Variants in FRMPD4 observed in about 807,000 individuals in gnomAD.
FRMPD4 encodes the protein FERM and PDZ domain-containing protein 4.
Under a neutral mutation model 94.1 loss-of-function variants are expected in FRMPD4, and 22 were observed. The observed-to-expected ratio is 0.23, with a 90% CI of 0.17 to 0.33. The LOEUF is 0.33. Ranked by LOEUF, FRMPD4 falls within the 10% of genes least tolerant of loss-of-function variation. The pLI is 1.00. For synonymous variants in FRMPD4, 631 were observed against 548.6 expected (o/e 1.15, Z -2.10); for missense variants, 1,111 against 1,339.9 (o/e 0.83, Z 2.67).
chrX:12,104,961 C>T (rs779566256), intron 3 of FRMPD4, among the ~76,000 whole-genome samples: 11 of 111,493 alleles, frequency 9.9e-5, no homozygotes, highest in Non-Finnish European at 1.9e-4. Context: ...TTGTTTCAAA[C>T]GGTGGCCTTC....
intron 1 of FRMPD4, among the ~76,000 whole-genome samples, chrX:12,276,578 T>C (rs1474161030): frequency 8.9e-6 from 1 of 112,082 alleles, no homozygotes; most frequent in Non-Finnish European, 1.9e-5. Context: ...AGCCTCCAGG[T>C]ATCCTGCTTC....
chrX:12,023,657 ACT>A (rs1186492036), intron 3 of FRMPD4, among the ~76,000 whole-genome samples: 1 of 111,189 alleles, frequency 9.0e-6, no homozygotes, highest in Admixed American at 9.5e-5. Flanking sequence ...TGGTTGGATG[ACT>A]CTTTGCCAGT....
At chrX:12,557,652 A>C (rs1445929040) in intron 2 of FRMPD4, among the ~76,000 whole-genome samples, 1 of 111,998 alleles carries the variant, frequency 8.9e-6, no homozygotes, top group Non-Finnish European at 1.9e-5. Flanking sequence ...CAAAGTTTAA[A>C]ATCAACTGAA....
chrX:12,094,274 A>ATTAATT (rs2055179968), intron 3 of FRMPD4, among the ~76,000 whole-genome samples: 1 of 112,409 alleles, frequency 8.9e-6, no homozygotes, highest in Non-Finnish European at 1.9e-5. Context: ...CAGTTTATTG[A>ATTAATT]CATTAATTAA....
intron 1 of FRMPD4, among the ~76,000 whole-genome samples, chrX:12,267,429 A>G (rs1337635902): frequency 8.9e-6 from 1 of 112,142 alleles, no homozygotes; most frequent in Non-Finnish European, 1.9e-5. Flanking sequence ...TCTAAGACAG[A>G]TGGGATGCTT....
In FRMPD4 at chrX:12,317,601, AAACAAAAAAAAC is replaced by A. The variant is rs1187328683; in HGVS notation, c.41+178592_41+178603del. Among the ~76,000 whole-genome samples the A allele has an allele frequency of 6.0e-3, 627 of 104,992 alleles. 8 individuals are homozygous for A. The highest frequency in any genetic ancestry group is 0.023 in the African/African-American group (596 of 26,425). The allele number at this position is 104,992 out of a possible 115,157, so 91.2% of individuals were successfully genotyped here. On this transcript the variant is annotated intron_variant, in intron 1 of 16. Coordinates refer to ENST00000675598, the MANE Select transcript of FRMPD4 (RefSeq NM_001368397.1). ...ACTAAATAGCAAAAAAAAAAAAAAA[AAACAAAAAAAAC>A]AAAAACCCAAGTAATCTGATTAAAA...
chrX:12,271,108 G>A (rs2054349140), intron 1 of FRMPD4, among the ~76,000 whole-genome samples: 1 of 111,751 alleles, frequency 8.9e-6, no homozygotes, highest in African/African-American at 3.3e-5. Context: ...ATATACACTA[G>A]GTAATTCCCG....
intron 1 of FRMPD4, among the ~76,000 whole-genome samples, chrX:12,166,912 T>G (rs1301167766): frequency 9.0e-6 from 1 of 111,520 alleles, no homozygotes; most frequent in African/African-American, 3.3e-5. Flanking sequence ...CTTTATCATT[T>G]TTTATTGCGT....
chrX:12,285,957 A>G (rs989793798), intron 1 of FRMPD4, among the ~76,000 whole-genome samples: 3 of 112,089 alleles, frequency 2.7e-5, no homozygotes, highest in Non-Finnish European at 5.6e-5. Flanking sequence ...TGGTGTAAAT[A>G]GATAAGCACA....
chrX:12,499,253 T>C (rs1325282424), intron 2 of FRMPD4, among the ~76,000 whole-genome samples: 1 of 112,240 alleles, frequency 8.9e-6, no homozygotes, highest in Non-Finnish European at 1.9e-5. Context: ...ATTATGTACA[T>C]TATTTGTTTT....
At chrX:12,017,795 A>T (rs1237126033) in intron 3 of FRMPD4, among the ~76,000 whole-genome samples, 1 of 111,851 alleles carries the variant, frequency 8.9e-6, no homozygotes, top group East Asian at 2.8e-4. Flanking sequence ...GTATACATTC[A>T]CAGCACCTTG....
At chrX:12,561,756 GTT>G (rs1840052630) in intron 2 of FRMPD4, among the ~76,000 whole-genome samples, 2 of 112,241 alleles carry the variant, frequency 1.8e-5, no homozygotes, top group African/African-American at 6.5e-5. Flanking sequence ...TTATGGCATA[GTT>G]TTATTAGTTA....
chrX:12,174,983 C>T (rs1158415859), intron 1 of FRMPD4, among the ~76,000 whole-genome samples: 1 of 112,342 alleles, frequency 8.9e-6, no homozygotes, highest in Non-Finnish European at 1.9e-5. Flanking sequence ...GGCACAGTTA[C>T]ACGACCTTGC....
intron 3 of FRMPD4, among the ~76,000 whole-genome samples, chrX:11,882,891 T>C (rs1428910000): frequency 2.7e-5 from 3 of 111,226 alleles, no homozygotes; most frequent in African/African-American, 3.3e-5. Flanking sequence ...TGGGAAGAGG[T>C]ATAGGGTTTG....
At chrX:12,079,510 T>G (rs1003072020) in intron 3 of FRMPD4, among the ~76,000 whole-genome samples, 9 of 112,086 alleles carry the variant, frequency 8.0e-5, no homozygotes, top group African/African-American at 2.9e-4. Flanking sequence ...TTTAAGACTT[T>G]ATTTTTTAGC....
chrX:12,365,070 C>G (rs1196445187), intron 1 of FRMPD4, among the ~76,000 whole-genome samples: 1 of 112,370 alleles, frequency 8.9e-6, no homozygotes, highest in African/African-American at 3.2e-5. Context: ...CATTTGAGAA[C>G]ACATCTGGGG....
intron 4 of FRMPD4, among the ~76,000 whole-genome samples, chrX:12,640,605 T>A (rs1234619026): frequency 8.9e-6 from 1 of 111,921 alleles, no homozygotes; most frequent in Non-Finnish European, 1.9e-5. Context: ...TTTCCAGTCA[T>A]TCTTTTAATA....
rs373048399 is a variant in FRMPD4 at position 12,696,049 on chromosome X, C to G, written c.933+1595C>G. 3.6e-5 allele frequency among the ~76,000 whole-genome samples: 4 copies of G among 112,650 alleles called. No individual in the cohort carries two copies. The East Asian group carries it at 1.1e-3, about 31-fold the overall frequency. On this transcript the variant is annotated intron_variant, in intron 9 of 16. Coordinates refer to ENST00000675598, the MANE Select transcript of FRMPD4 (RefSeq NM_001368397.1). ...CCGCGCCCAGCCCTAATTGATTATT[C>G]TTATCTGAATCCATTATTATAATTG...
At chrX:12,177,981 G>A (rs2056314486) in intron 1 of FRMPD4, among the ~76,000 whole-genome samples, 1 of 111,820 alleles carries the variant, frequency 8.9e-6, no homozygotes, top group Non-Finnish European at 1.9e-5. Flanking sequence ...CTACTGCTGT[G>A]TTCTCAGTGT....
Sources: allele counts gnomAD v4.1 joint callset (sites outside exome capture counted in the v4.1 genomes callset), GRCh38; gene constraint gnomAD v4.1.1; transcripts MANE v1.5; gene names NCBI Gene and HGNC (gene_info 2026-07-23, HGNC 2026-07-21).